PLEKHJ1: variants seen among roughly 807,000 people sequenced by gnomAD.
PLEKHJ1 encodes the protein pleckstrin homology domain-containing family J member 1.
PLEKHJ1 carries 20 observed loss-of-function variants against 21.7 expected under a neutral mutation model. The observed-to-expected ratio is 0.92, with a 90% CI of 0.65 to 1.34. The LOEUF (loss-of-function observed/expected upper bound fraction) is 1.34, where lower values mean the gene tolerates loss of function less well. Ranked by LOEUF, PLEKHJ1 falls within the 40% of genes most tolerant of loss-of-function variation. PLEKHJ1 has a pLI of 0.00. For synonymous variants in PLEKHJ1, 113 were observed against 80.6 expected (o/e 1.40, Z -2.15); for missense variants, 241 against 202.0 (o/e 1.19, Z -1.17).
rs114800335 is a variant in PLEKHJ1 at position 2,233,433 on chromosome 19, G to A, written c.*407C>T. 4.6e-3 allele frequency: 1,074 copies of A among 233,210 alleles called. 9 individuals are homozygous for A. The highest frequency in any genetic ancestry group is 0.023 in the African/African-American group (994 of 43,878). The allele number at this position is 233,210 out of a possible 1,614,324, so 14.4% of individuals were successfully genotyped here. On this transcript the variant is annotated 3_prime_UTR_variant, in exon 6 of 6. Transcript: ENST00000326631. ...GCGCATATCCTGGCGGCAGCAGCACGTGGCACCAGGTGCCAGGCCAGTTAG... is the reference window on the plus strand; with the variant it reads ...GCGCATATCCTGGCGGCAGCAGCACATGGCACCAGGTGCCAGGCCAGTTAG...
At position 2,236,302 on chromosome 19, in the gene PLEKHJ1, T is replaced by G. The variant is rs2024812820; in HGVS notation, c.-54A>C. The G allele has an allele frequency of 5.1e-6, 6 of 1,174,220 alleles. No individual in the cohort carries two copies. Among genetic ancestry groups the G allele is most frequent in the Non-Finnish European group, 6.7e-6 (6 of 901,832 alleles). 72.7% of individuals were successfully genotyped at this position (1,174,220 alleles called of 1,614,324 possible). ...GCGCCCTCCCGGCCGCCGTCCCCGC[T>G]CAGGCTGGGGCCGGCGCCAAAAATG... is the stretch of plus-strand genomic sequence containing the variant. On this transcript the variant is annotated 5_prime_UTR_variant, in exon 1 of 6. Coordinates refer to ENST00000326631, the MANE Select transcript of PLEKHJ1 (RefSeq NM_018049.3).
rs866207774 is a variant in PLEKHJ1 at position 2,233,779 on chromosome 19, C to T, written c.*61G>A. 53 of 1,463,592 alleles carry T rather than the reference C, an allele frequency of 3.6e-5. 1 individual carries two copies. The Middle Eastern group carries it at 9.4e-4, about 26-fold the overall frequency. The allele number at this position is 1,463,592 out of a possible 1,614,324, so 90.7% of individuals were successfully genotyped here. A position where few individuals can be genotyped will look rare whatever the true frequency, so the allele number is the denominator to read the frequency against. On this transcript the variant is annotated 3_prime_UTR_variant, in exon 6 of 6. Transcript: ENST00000326631. ...CAAAACAGATCCAGGCATGGCCAAG[C>T]GATTCATGGCTGGGCAGGGCCAGTC...
At chr19:2,232,202 G>C (rs2024630319), downstream of PLEKHJ1, 3 of 222,356 alleles carry the variant, frequency 1.3e-5, no homozygotes, top group Non-Finnish European at 2.7e-5. Flanking sequence ...TCTTGCTCAG[G>C]AATTGATAGG....
At chr19:2,230,572 C>G (rs2024557700), downstream of PLEKHJ1, 5 of 398,616 alleles carry the variant, frequency 1.3e-5, no homozygotes, top group Non-Finnish European at 2.2e-5. Context: ...GCAGCATGCC[C>G]TGCGATGCGG....
chr19:2,233,156 G>A lies in PLEKHJ1; in HGVS notation c.*684C>T, dbSNP rs2024670866. On this transcript the variant is annotated 3_prime_UTR_variant, in exon 6 of 6. Transcript: ENST00000326631. ...CCTTCACTTCACCGCCATCCAGTGT[G>A]GAAAAGAGGTACCTTTATTTGAACA... 6.6e-6 allele frequency: 1 copy of A among 152,474 alleles called. No homozygotes were observed. Among genetic ancestry groups the A allele is most frequent in the African/African-American group, 2.4e-5 (1 of 41,398 alleles). The allele number at this position is 152,474 out of a possible 1,614,324, so 9.4% of individuals were successfully genotyped here.
Position 2,235,755 on chromosome 19 carries a change from C to T in PLEKHJ1, c.229+7G>A, listed in dbSNP as rs1158159597. On this transcript the variant is annotated splice_region_variant and intron_variant, in intron 3 of 5. Coordinates refer to ENST00000326631, the MANE Select transcript of PLEKHJ1 (RefSeq NM_018049.3). ...GAAGCGCCGCTGGCTTCCCTAGCCC[C>T]ACTCACTGATGGAGAAGGTGCCGGG... 2 of 1,547,962 alleles carry T rather than the reference C, an allele frequency of 1.3e-6. No homozygotes were observed. Among genetic ancestry groups the T allele is most frequent in the Non-Finnish European group, 1.7e-6 (2 of 1,146,072 alleles).
downstream of PLEKHJ1, chr19:2,230,212 A>G (rs1268863469): frequency 7.1e-6 from 3 of 422,260 alleles, no homozygotes; most frequent in African/African-American, 2.1e-5. Flanking sequence ...GGTGCTGACT[A>G]GACGCTGACA....
chr19:2,234,895 GA>G (rs2024744936), intron 3 of PLEKHJ1: 1 of 152,252 alleles, frequency 6.6e-6, no homozygotes, highest in Non-Finnish European at 1.5e-5. Flanking sequence ...AGCTACTCGG[GA>G]GGCTGAGGCA....
At chr19:2,234,639 G>A (rs1036092431) in intron 3 of PLEKHJ1, 2 of 215,504 alleles carry the variant, frequency 9.3e-6, no homozygotes, top group African/African-American at 2.3e-5. Flanking sequence ...AGCCAAGGGG[G>A]TTGAGGCTGC....
downstream of PLEKHJ1, chr19:2,231,097 C>G (rs140401844): frequency 8.6e-6 from 2 of 231,462 alleles, no homozygotes; most frequent in East Asian, 1.2e-4. Context: ...GGCAGGGCCA[C>G]TCCAGTGCTT....
At chr19:2,230,734 A>G (rs2024564180), downstream of PLEKHJ1, 1 of 397,550 alleles carries the variant, frequency 2.5e-6, no homozygotes, top group Non-Finnish European at 4.4e-6. Flanking sequence ...GTGAAGAGGA[A>G]AGAAAAGCGA....
At chr19:2,232,475 G>C (rs2024648288), downstream of PLEKHJ1, 1 of 222,130 alleles carries the variant, frequency 4.5e-6, no homozygotes, top group African/African-American at 2.2e-5. Flanking sequence ...TGCGCGCATT[G>C]TCACGGTCCG....
chr19:2,235,696 G>A (rs1466705804), intron 3 of PLEKHJ1, 66 bp downstream of exon 3: 1 of 1,433,742 alleles, frequency 7.0e-7, no homozygotes, highest in African/African-American at 1.4e-5. Flanking sequence ...CCGGGGAGGG[G>A]AAAGTGCGGC....
Position 2,233,828 on chromosome 19 carries a change from C to A in PLEKHJ1, c.*12G>T. 6.3e-7 allele frequency: 1 copy of A among 1,597,310 alleles called. No homozygotes were observed. The highest frequency in any genetic ancestry group is 2.3e-5 in the East Asian group (1 of 43,914). The stretch of plus-strand genomic sequence containing the variant: ...TCCCGTCCCGCTGCACGCTGACCAC[C>A]GTGCCCTGCGCTCACGCCTGCAAGC... On this transcript the variant is annotated 3_prime_UTR_variant, in exon 6 of 6. Transcript: ENST00000326631.
At chr19:2,234,586 G>C (rs981704900) in intron 3 of PLEKHJ1, 2 of 270,286 alleles carry the variant, frequency 7.4e-6, no homozygotes, top group African/African-American at 4.5e-5. Flanking sequence ...GTGGGGCCTT[G>C]TAGGCCCAGC....
rs201650236 is a variant in PLEKHJ1 at position 2,235,932 on chromosome 19, G to A, written c.153C>T (p.Asp51=). 21 of 1,610,114 alleles carry A rather than the reference G, an allele frequency of 1.3e-5. No individual in the cohort carries two copies. In the East Asian group the frequency reaches 2.9e-4, roughly 22 times the overall value. The change falls in exon 2 of 6, where the codon GAC becomes GAT. Residue 51 remains aspartate, a synonymous_variant. Transcript: ENST00000326631. The part of the protein sequence containing the change: ...VVNFLFYFRT[D]EAEPVGALLL... Reference sequence around the variant, plus strand: ...CCCGGGACGCCCCTACCTCGGCCTCGTCTGTCCGAAAGTAGAAGAGGAAAT... The same window carrying A: ...CCCGGGACGCCCCTACCTCGGCCTCATCTGTCCGAAAGTAGAAGAGGAAAT...
downstream of PLEKHJ1, chr19:2,232,443 TC>T (rs969109504): frequency 4.5e-5 from 10 of 220,586 alleles, no homozygotes; most frequent in Non-Finnish European, 7.3e-5. Flanking sequence ...TGCCGTGTCT[TC>T]CGGGTGAACT....
At chr19:2,234,287 G>C in intron 3 of PLEKHJ1, 47 bp from the exon 4 acceptor site, 1 of 1,439,768 alleles carries the variant, frequency 6.9e-7, no homozygotes, top group Non-Finnish European at 9.7e-7. Flanking sequence ...GCCACAAGCA[G>C]CTTCCTCTTG....
chr19:2,234,193 C>T lies in PLEKHJ1; in HGVS notation c.277G>A (p.Glu93Lys), dbSNP rs1285115451. Residue 93 changes from glutamate (E) to lysine (K), a missense_variant, in exon 4 of 6, where the codon GAG (glutamate) becomes AAG (lysine). Physicochemically the swap from Glu to Lys is moderately conservative, Grantham distance 56. Transcript: ENST00000326631. ...TCCATCCACTCCTGACACTGCTCCT[C>T]GCTGCTGCACTCAAAGTGATACTTC... ...ERKYHFECSS[E>K]EQCQEWMEAL... 13 of 1,613,024 alleles carry T rather than the reference C, an allele frequency of 8.1e-6. No individual in the cohort carries two copies. Among genetic ancestry groups the T allele is most frequent in the African/African-American group, 1.3e-5 (1 of 74,916 alleles).
Sources: allele counts gnomAD v4.1 joint callset, GRCh38; gene constraint gnomAD v4.1.1; transcripts MANE v1.5; gene names NCBI Gene and HGNC (gene_info 2026-07-23, HGNC 2026-07-21).